The following TOM1L2 variants were observed in gnomAD, a reference collection of about 807,000 sequenced individuals.
TOM1L2 encodes the protein TOM1-like protein 2.
TOM1L2 carries 31 observed loss-of-function variants against 67.9 expected under a neutral mutation model. The ratio of observed to expected loss-of-function variants is 0.46; its 90% CI spans 0.34 to 0.62. The LOEUF (loss-of-function observed/expected upper bound fraction) is 0.62, where lower values mean the gene tolerates loss of function less well. Ranked by LOEUF, TOM1L2 falls within the 20% of genes least tolerant of loss-of-function variation. The pLI is 0.01. For synonymous variants in TOM1L2, 256 were observed against 254.0 expected (o/e 1.01, Z -0.07); for missense variants, 606 against 663.5 (o/e 0.91, Z 0.95).
intron 1 of TOM1L2, among the ~76,000 whole-genome samples, chr17:17,908,920 C>T (rs1333592719): frequency 4.6e-5 from 7 of 152,188 alleles, no homozygotes; most frequent in Non-Finnish European, 7.3e-5. Flanking sequence ...CGGTGGCTCA[C>T]GTCTGTAATC....
At chr17:17,891,757 G>A (rs140960352) in intron 4 of TOM1L2, among the ~76,000 whole-genome samples, 65 of 151,944 alleles carry the variant, frequency 4.3e-4, no homozygotes, top group Non-Finnish European at 8.5e-4. Context: ...AGAGTGGGGT[G>A]TATGAGGAAG....
intron 1 of TOM1L2, among the ~76,000 whole-genome samples, chr17:17,919,018 C>T (rs2039744684): frequency 6.6e-6 from 1 of 152,154 alleles, no homozygotes; most frequent in African/African-American, 2.4e-5. Flanking sequence ...CCCCGGTTCT[C>T]CCTTCAGACT....
At chr17:17,939,256 G>C (rs1046304853) in intron 1 of TOM1L2, among the ~76,000 whole-genome samples, 1 of 152,214 alleles carries the variant, frequency 6.6e-6, no homozygotes, top group Non-Finnish European at 1.5e-5. Context: ...CTGGCTTTTA[G>C]AGTTGAAAAG....
chr17:17,895,032 G>A (rs966509276), intron 3 of TOM1L2, among the ~76,000 whole-genome samples: 3 of 151,976 alleles, frequency 2.0e-5, no homozygotes, highest in African/African-American at 7.3e-5. Context: ...GCATAGGGGA[G>A]GTGCCCAATA....
chr17:17,903,152 T>C (rs1317791379), intron 2 of TOM1L2, among the ~76,000 whole-genome samples: 3 of 152,208 alleles, frequency 2.0e-5, no homozygotes, highest in Non-Finnish European at 4.4e-5. Context: ...TCCGTAGCTA[T>C]ATATAGCTTC....
intron 1 of TOM1L2, among the ~76,000 whole-genome samples, chr17:17,934,319 C>T (rs2040437340): frequency 6.6e-6 from 1 of 152,096 alleles, no homozygotes; most frequent in Non-Finnish European, 1.5e-5. Flanking sequence ...TGTTGGTGTG[C>T]TCCTGTAGTC....
intron 1 of TOM1L2, among the ~76,000 whole-genome samples, chr17:17,961,879 A>AAAAAAAAATG (rs2041694608): frequency 6.6e-6 from 1 of 152,036 alleles, no homozygotes. Context: ...CTCAAAAAAA[A>AAAAAAAAATG]AAAAAAAATG....
At chr17:17,957,165 G>T (rs1466237604) in intron 1 of TOM1L2, among the ~76,000 whole-genome samples, 4 of 152,200 alleles carry the variant, frequency 2.6e-5, no homozygotes, top group African/African-American at 7.2e-5. Context: ...ATTTTTTGTA[G>T]AAACAGGGTC....
At position 17,898,584 on chromosome 17, in the gene TOM1L2, A is replaced by C. The variant is rs766079786; in HGVS notation, c.216+12T>G. On this transcript the variant is annotated intron_variant, in intron 3 of 14. Coordinates refer to ENST00000379504, the MANE Select transcript of TOM1L2 (RefSeq NM_001082968.2). ...CCAGATGACTTCTCTCCTCAAGGAG[A>C]ATAGCACTCACTGTTAATGCCAGCA... 1 of 1,614,116 alleles carries C rather than the reference A, an allele frequency of 6.2e-7. No individual in the cohort carries two copies. Among genetic ancestry groups the C allele is most frequent in the East Asian group, 2.2e-5 (1 of 44,890 alleles).
At position 17,869,408 on chromosome 17, in the gene TOM1L2, A is replaced by G. The variant is rs745836923; in HGVS notation, c.843T>C (p.Asn281=). The change falls in exon 8 of 15, where the codon AAT becomes AAC. Residue 281 remains asparagine, a synonymous_variant. Coordinates refer to ENST00000379504, the MANE Select transcript of TOM1L2 (RefSeq NM_001082968.2). ...RIVELISRVS[N]EEVTEELLHV... is the part of the protein sequence containing the mutation. ...GCAGCAGCTCCTCGGTGACCTCCTCATTGGACACGCGGGAGATGAGCTCCA... is the reference window on the plus strand; with the variant it reads ...GCAGCAGCTCCTCGGTGACCTCCTCGTTGGACACGCGGGAGATGAGCTCCA... 2 of 1,613,564 alleles carry G rather than the reference A, an allele frequency of 1.2e-6. No homozygotes were observed. The highest frequency in any genetic ancestry group is 2.2e-5 in the East Asian group (1 of 44,872).
intron 2 of TOM1L2, among the ~76,000 whole-genome samples, chr17:17,900,318 A>G (rs1229664123): frequency 4.0e-5 from 6 of 149,094 alleles, no homozygotes; most frequent in East Asian, 2.0e-4. Context: ...TCAGGAGTTC[A>G]AGACCAGCCT....
intron 13 of TOM1L2, 35 bp from the exon 14 acceptor site, chr17:17,848,894 C>G: frequency 6.2e-7 from 1 of 1,613,086 alleles, no homozygotes; most frequent in Admixed American, 1.7e-5. Context: ...AATTAGGGCA[C>G]TGGTCCAAGC....
chr17:17,909,849 C>G (rs1011544448), intron 1 of TOM1L2, among the ~76,000 whole-genome samples: 1 of 152,072 alleles, frequency 6.6e-6, no homozygotes, highest in East Asian at 1.9e-4. Context: ...GGCAACATAG[C>G]AAGACATTGT....
At position 17,893,697 on chromosome 17, in the gene TOM1L2, G is replaced by C. The variant is rs1316679051; in HGVS notation, c.330C>G (p.Pro110=). The C allele has an allele frequency of 6.2e-7, 1 of 1,614,006 alleles. No individual in the cohort carries two copies. Among genetic ancestry groups the C allele is most frequent in the East Asian group, 2.2e-5 (1 of 44,898 alleles). Residue 110 remains proline (P), a synonymous_variant, in exon 4 of 15, where the codon CCC becomes CCG. Transcript: ENST00000379504. The part of the protein sequence containing the change: ...VKIISPKNNP[P]TIVQDKVLAL... ...CAAGCACTTTGTCCTGTACAATGGT[G>C]GGAGGGTTGTTCTTGGGAGATATAA... is the stretch of plus-strand genomic sequence containing the variant.
At chr17:17,955,299 C>A (rs992985351) in intron 1 of TOM1L2, among the ~76,000 whole-genome samples, 8 of 149,110 alleles carry the variant, frequency 5.4e-5, no homozygotes, top group African/African-American at 2.0e-4. Context: ...CTAGTGGGAA[C>A]GGCAGGACCC....
At chr17:17,888,093 C>T (rs2038088968) in intron 4 of TOM1L2, among the ~76,000 whole-genome samples, 1 of 152,158 alleles carries the variant, frequency 6.6e-6, no homozygotes, top group Non-Finnish European at 1.5e-5. Flanking sequence ...GGGGAGGCTG[C>T]CCCCTCTTAA....
At chr17:17,962,171 C>A (rs2041706863) in intron 1 of TOM1L2, among the ~76,000 whole-genome samples, 1 of 152,042 alleles carries the variant, frequency 6.6e-6, no homozygotes, top group Admixed American at 6.6e-5. Flanking sequence ...ATATATGATT[C>A]CACTTATATG....
intron 1 of TOM1L2, among the ~76,000 whole-genome samples, chr17:17,946,664 G>C (rs186478616): frequency 6.6e-6 from 1 of 152,234 alleles, no homozygotes; most frequent in East Asian, 1.9e-4. Context: ...CATGGGTGCA[G>C]AGGCTGCAGG....
rs554920255 is a variant in TOM1L2, at chr17:17,878,390, C to T, written c.777+1237G>A. 9.2e-5 allele frequency among the ~76,000 whole-genome samples: 14 copies of T among 152,334 alleles called. No individual in the cohort carries two copies. The South Asian group carries it at 2.9e-3, about 32-fold the overall frequency. ...ACATGGAGACAAGTTGTTTCCCGGT[C>T]TATTTCCTGCAAAAAGCTGCAAGCT... On this transcript the variant is annotated intron_variant, in intron 7 of 14. Coordinates refer to ENST00000379504, the MANE Select transcript of TOM1L2 (RefSeq NM_001082968.2).
Sources: gnomAD v4.1 joint callset for allele counts (sites outside exome capture counted in the v4.1 genomes callset) on GRCh38, gnomAD v4.1.1 for gene constraint, MANE v1.5 for transcripts, NCBI Gene and HGNC (gene_info 2026-07-23, HGNC 2026-07-21) for gene names.